IL1RAPL1: variants seen among roughly 807,000 people sequenced by gnomAD.
IL1RAPL1 encodes the protein interleukin-1 receptor accessory protein-like 1.
A neutral mutation model predicts 48.4 loss-of-function variants in IL1RAPL1; 3 were observed. The observed-to-expected ratio is 0.06, with a 90% confidence interval of 0.03 to 0.16. IL1RAPL1 has a LOEUF of 0.16. IL1RAPL1 is among the 10% of genes least tolerant of loss of function. IL1RAPL1 has a pLI of 1.00. For synonymous variants in IL1RAPL1, 185 were observed against 187.7 expected (o/e 0.99, Z 0.12); for missense variants, 349 against 530.6 (o/e 0.66, Z 3.36).
At chrX:29,933,218 A>G (rs1932974922) in intron 8 of IL1RAPL1, among the ~76,000 whole-genome samples, 1 of 111,123 alleles carries the variant, frequency 9.0e-6, no homozygotes, top group Non-Finnish European at 1.9e-5. Context: ...TAGCATTAGG[A>G]GAAATACCTC....
intron 3 of IL1RAPL1, among the ~76,000 whole-genome samples, chrX:29,294,309 ACGAGGTCGGGAGAT>A (rs1373394998): frequency 2.7e-5 from 3 of 109,998 alleles, no homozygotes; most frequent in African/African-American, 9.9e-5. Context: ...TGGGCAGATC[ACGAGGTCGGGAGAT>A]CGAGACCATC....
intron 2 of IL1RAPL1, among the ~76,000 whole-genome samples, chrX:29,264,498 G>A (rs1370955119): frequency 9.0e-6 from 1 of 111,013 alleles, no homozygotes; most frequent in Middle Eastern, 4.3e-3. Flanking sequence ...ATCAGAAGTG[G>A]AAGAAGGGAA....
At chrX:29,240,515 G>A (rs938903226) in intron 2 of IL1RAPL1, among the ~76,000 whole-genome samples, 3 of 109,155 alleles carry the variant, frequency 2.7e-5, no homozygotes, top group Non-Finnish European at 3.8e-5. Context: ...GATTACAGGC[G>A]TGAGCCACCT....
chrX:29,312,891 G>T (rs752242563), intron 3 of IL1RAPL1, among the ~76,000 whole-genome samples: 1 of 110,921 alleles, frequency 9.0e-6, no homozygotes, highest in Non-Finnish European at 1.9e-5. Context: ...TTCGGCTTTC[G>T]CTCCTGTCTT....
chrX:28,684,288 CAGAACAA>C (rs1935090459), intron 1 of IL1RAPL1, among the ~76,000 whole-genome samples: 1 of 111,885 alleles, frequency 8.9e-6, no homozygotes, highest in Non-Finnish European at 1.9e-5. Flanking sequence ...AGTGAATTTT[CAGAACAA>C]ATAGTGGTCT....
chrX:29,495,789 C>T (rs188946326), intron 5 of IL1RAPL1, among the ~76,000 whole-genome samples: 17 of 111,223 alleles, frequency 1.5e-4, no homozygotes, highest in African/African-American at 4.6e-4. Flanking sequence ...ACAACATGAT[C>T]GAATCATTTC....
At chrX:29,739,740 A>G (rs1026808728) in intron 6 of IL1RAPL1, among the ~76,000 whole-genome samples, 7 of 111,107 alleles carry the variant, frequency 6.3e-5, no homozygotes, top group African/African-American at 2.3e-4. Context: ...CCAGTTGTAT[A>G]GCAAAAGAGT....
At chrX:29,613,904 C>T (rs1386030852) in intron 5 of IL1RAPL1, among the ~76,000 whole-genome samples, 19 of 107,183 alleles carry the variant, frequency 1.8e-4, no homozygotes, top group East Asian at 2.9e-4. Flanking sequence ...GCTGGGACTA[C>T]AGGCGCCTGC....
Position 28,827,877 on chromosome X carries a change from C to T in IL1RAPL1, c.82+38452C>T, listed in dbSNP as rs777164666. ...CCTGTGAAAATCCACTTTTCACCTG[C>T]GGTATTATGTCAAATTGTTTTCTCT... On this transcript the variant is annotated intron_variant, in intron 2 of 10. Coordinates refer to ENST00000378993, the MANE Select transcript of IL1RAPL1 (RefSeq NM_014271.4). Among the ~76,000 whole-genome samples, 16 of 111,694 alleles carry T rather than the reference C, an allele frequency of 1.4e-4. No homozygotes were observed. The South Asian group carries it at 1.8e-3, about 13-fold the overall frequency.
chrX:29,663,737 T>A (rs1925914534), intron 5 of IL1RAPL1, among the ~76,000 whole-genome samples: 1 of 112,208 alleles, frequency 8.9e-6, no homozygotes, highest in Non-Finnish European at 1.9e-5. Context: ...TTAATGATTC[T>A]TAAATCAGGG....
chrX:29,620,159 C>A (rs750607787), intron 5 of IL1RAPL1, among the ~76,000 whole-genome samples: 2 of 111,604 alleles, frequency 1.8e-5, no homozygotes, highest in South Asian at 7.5e-4. Context: ...ATCAAAATTT[C>A]TCGTGGCGTT....
At chrX:29,605,318 A>G (rs890512762) in intron 5 of IL1RAPL1, among the ~76,000 whole-genome samples, 1 of 111,323 alleles carries the variant, frequency 9.0e-6, no homozygotes, top group Non-Finnish European at 1.9e-5. Flanking sequence ...ACTTCCCCTT[A>G]TTTGTTTAAG....
At chrX:28,836,373 A>ATATATATATATATATAT (rs1569183041) in intron 2 of IL1RAPL1, among the ~76,000 whole-genome samples, 24 of 93,982 alleles carry the variant, frequency 2.6e-4, no homozygotes, top group African/African-American at 1.2e-3. Flanking sequence ...TGACAGAGAG[A>ATATATATATATATATAT]GAGAGAGAGA....
intron 6 of IL1RAPL1, among the ~76,000 whole-genome samples, chrX:29,787,036 A>G (rs145591349): frequency 0.019 from 2,167 of 112,036 alleles, 50 homozygotes; most frequent in African/African-American, 0.067. Context: ...GGTCATTACT[A>G]TCCTTAGAAA....
chrX:28,618,584 A>G (rs1934248193), intron 1 of IL1RAPL1, among the ~76,000 whole-genome samples: 1 of 112,396 alleles, frequency 8.9e-6, no homozygotes, highest in Admixed American at 9.5e-5. Context: ...CTGGGTAACA[A>G]AAATTATTCT....
chrX:29,405,912 C>G (rs1229760789), intron 5 of IL1RAPL1, among the ~76,000 whole-genome samples: 4 of 104,031 alleles, frequency 3.8e-5, no homozygotes, highest in African/African-American at 1.6e-4. Context: ...TTGAAATTAT[C>G]TCTCAGTTCT....
intron 6 of IL1RAPL1, among the ~76,000 whole-genome samples, chrX:29,723,033 A>G (rs1927676328): frequency 8.9e-6 from 1 of 111,760 alleles, no homozygotes; most frequent in African/African-American, 3.3e-5. Context: ...TCTAATTTTT[A>G]TTCCTGGGCA....
At chrX:28,793,706 A>G (rs1277244699) in intron 2 of IL1RAPL1, among the ~76,000 whole-genome samples, 5 of 111,522 alleles carry the variant, frequency 4.5e-5, no homozygotes, top group Non-Finnish European at 9.4e-5. Flanking sequence ...AAGTATGACT[A>G]TAGCACTTTG....
intron 5 of IL1RAPL1, among the ~76,000 whole-genome samples, chrX:29,408,070 T>C (rs868797484): frequency 4.5e-5 from 5 of 111,737 alleles, no homozygotes; most frequent in South Asian, 3.7e-4. Flanking sequence ...CTGCCAGATA[T>C]ATGTGGGAAT....
Sources: allele counts gnomAD v4.1 joint callset (sites outside exome capture counted in the v4.1 genomes callset), GRCh38; gene constraint gnomAD v4.1.1; transcripts MANE v1.5; gene names NCBI Gene and HGNC (gene_info 2026-07-23, HGNC 2026-07-21).